NEGR1: variants seen among roughly 807,000 people sequenced by gnomAD.
NEGR1 encodes IgLON family member 4.
In NEGR1, 10 loss-of-function variants were observed where a neutral mutation model predicts 40.9. The observed-to-expected ratio is 0.24, with a 90% confidence interval of 0.15 to 0.42. NEGR1 has a LOEUF of 0.42. NEGR1 is among the 10% of genes least tolerant of loss of function. The pLI is 1.00. For missense variants in NEGR1, 352 were observed against 438.9 expected, an observed-to-expected ratio of 0.80 and a Z score of 1.77; for synonymous variants, 185 against 166.8, an observed-to-expected ratio of 1.11 and a Z score of -0.84.
At chr1:71,756,401 C>CAAAAAAAAAAAAAAA (rs1557640456) in intron 3 of NEGR1, among the ~76,000 whole-genome samples, 7 of 53,114 alleles carry the variant, frequency 1.3e-4, no homozygotes, top group South Asian at 6.6e-4. Flanking sequence ...AAACAAAAAA[C>CAAAAAAAAAAAAAAA]AAAAACAAAC....
intron 4 of NEGR1, among the ~76,000 whole-genome samples, chr1:71,616,599 A>T (rs1342961876): frequency 1.3e-5 from 2 of 152,230 alleles, no homozygotes; most frequent in Non-Finnish European, 2.9e-5. Context: ...GTGGCAAATA[A>T]GTTGAGGTAC....
chr1:71,582,615 G>C (rs1404465915), intron 6 of NEGR1, among the ~76,000 whole-genome samples: 1 of 152,082 alleles, frequency 6.6e-6, no homozygotes, highest in Non-Finnish European at 1.5e-5. Flanking sequence ...GGGAAACAAA[G>C]TTTTCTCAAA....
intron 6 of NEGR1, among the ~76,000 whole-genome samples, chr1:71,442,480 G>A (rs1017807406): frequency 2.0e-4 from 30 of 152,148 alleles, no homozygotes; most frequent in East Asian, 3.9e-4. Flanking sequence ...TGGGCGTGGC[G>A]GCATGCGCCT....
chr1:71,692,992 A>G (rs1190702590), intron 4 of NEGR1, among the ~76,000 whole-genome samples: 1 of 151,802 alleles, frequency 6.6e-6, no homozygotes, highest in African/African-American at 2.4e-5. Context: ...AATAATGTCT[A>G]GAGCTCTTTT....
chr1:71,752,164 T>C (rs1036730745), intron 3 of NEGR1, among the ~76,000 whole-genome samples: 3 of 152,208 alleles, frequency 2.0e-5, no homozygotes, highest in African/African-American at 7.2e-5. Flanking sequence ...ACAAGTTCTT[T>C]AAATAAGAGA....
chr1:72,122,545 T>A (rs1443672596), intron 1 of NEGR1, among the ~76,000 whole-genome samples: 1 of 151,964 alleles, frequency 6.6e-6, no homozygotes, highest in Non-Finnish European at 1.5e-5. Flanking sequence ...TATGCATCTA[T>A]TTGATTATGT....
At chr1:72,031,014 C>T (rs187089050) in intron 1 of NEGR1, among the ~76,000 whole-genome samples, 1 of 152,238 alleles carries the variant, frequency 6.6e-6, no homozygotes, top group East Asian at 1.9e-4. Context: ...TTTGTTGCTT[C>T]CATGGGGCAA....
At chr1:72,004,950 G>A (rs1220803580) in intron 1 of NEGR1, among the ~76,000 whole-genome samples, 1 of 152,032 alleles carries the variant, frequency 6.6e-6, no homozygotes, top group Non-Finnish European at 1.5e-5. Flanking sequence ...TAGATTTTAT[G>A]GTAGTCATGT....
chr1:71,529,038 T>C (rs1032236012), intron 6 of NEGR1, among the ~76,000 whole-genome samples: 13 of 1,172 alleles, frequency 0.011, no homozygotes, highest in Non-Finnish European at 0.014. Flanking sequence ...AATAAAGCAT[T>C]TTTTTTTACT....
At chr1:72,085,301 GA>G (rs895378234) in intron 1 of NEGR1, among the ~76,000 whole-genome samples, 7 of 152,142 alleles carry the variant, frequency 4.6e-5, no homozygotes, top group African/African-American at 1.7e-4. Context: ...AGTTCTGCAG[GA>G]AAAAGTCTGC....
At chr1:71,957,012 C>T (rs144195251) in intron 1 of NEGR1, among the ~76,000 whole-genome samples, 4 of 152,254 alleles carry the variant, frequency 2.6e-5, no homozygotes, top group African/African-American at 9.6e-5. Flanking sequence ...ATTTCCTCAT[C>T]GCAGGAATAC....
chr1:72,146,505 C>A (rs1364144886), intron 1 of NEGR1, among the ~76,000 whole-genome samples: 4 of 152,070 alleles, frequency 2.6e-5, no homozygotes, highest in Non-Finnish European at 4.4e-5. Flanking sequence ...ACATGGGTGG[C>A]TGGATGATGA....
intron 3 of NEGR1, among the ~76,000 whole-genome samples, chr1:71,742,027 G>T (rs1655228204): frequency 6.6e-6 from 1 of 152,166 alleles, no homozygotes; most frequent in South Asian, 2.1e-4. Flanking sequence ...TTCAACATGA[G>T]ATTTGGGTGA....
chr1:71,697,964 A>T (rs1653541039), intron 4 of NEGR1, 44 bp downstream of exon 4: 2 of 1,569,624 alleles, frequency 1.3e-6, no homozygotes, highest in South Asian at 2.4e-5. Flanking sequence ...AAGGTGTTTT[A>T]TCTTTTCTCA....
At position 71,592,834 on chromosome 1, in the gene NEGR1, G is replaced by A. The variant is rs372023233; in HGVS notation, c.923C>T (p.Ala308Val). Residue 308 changes from alanine to valine, a missense_variant, in exon 6 of 7, where the codon GCG (alanine) becomes GTG (valine). Physicochemically the swap from Ala to Val is moderately conservative, Grantham distance 64. Transcript: ENST00000357731. The part of the protein sequence containing the change: ...VAANKLGTTN[A>V]SLPLNPPSTA... ...TTACTTACGGTTAAGAGGCAGGCTCGCATTGGTTGTGCCTAGCTTGTTGGC... is the reference window on the plus strand; with the variant it reads ...TTACTTACGGTTAAGAGGCAGGCTCACATTGGTTGTGCCTAGCTTGTTGGC... 60 of 1,612,474 alleles carry A rather than the reference G, an allele frequency of 3.7e-5. No homozygotes were observed. The highest frequency in any genetic ancestry group is 6.7e-5 in the Admixed American group (4 of 59,958).
intron 1 of NEGR1, among the ~76,000 whole-genome samples, chr1:72,231,596 T>C (rs1333993309): frequency 6.6e-6 from 1 of 152,174 alleles, no homozygotes; most frequent in Non-Finnish European, 1.5e-5. Flanking sequence ...CACGTTGACA[T>C]GTGATTAATT....
At chr1:72,171,944 G>GT (rs1210087607) in intron 1 of NEGR1, among the ~76,000 whole-genome samples, 1 of 152,092 alleles carries the variant, frequency 6.6e-6, no homozygotes, top group Non-Finnish European at 1.5e-5. Flanking sequence ...TATAATTAAA[G>GT]TTTTGTAATG....
At chr1:71,863,406 T>C (rs1271281938) in intron 2 of NEGR1, among the ~76,000 whole-genome samples, 1 of 151,894 alleles carries the variant, frequency 6.6e-6, no homozygotes, top group Non-Finnish European at 1.5e-5. Flanking sequence ...TGAGAACACA[T>C]GGACATAGAA....
At chr1:71,450,734 C>G (rs1253387316) in intron 6 of NEGR1, among the ~76,000 whole-genome samples, 2 of 151,740 alleles carry the variant, frequency 1.3e-5, no homozygotes, top group Admixed American at 1.3e-4. Flanking sequence ...CGCTTGAACC[C>G]AAAACGTAGA....
Sources: gnomAD v4.1 joint callset for allele counts (sites outside exome capture counted in the v4.1 genomes callset) on GRCh38, gnomAD v4.1.1 for gene constraint, MANE v1.5 for transcripts, NCBI Gene and HGNC (gene_info 2026-07-23, HGNC 2026-07-21) for gene names.